The following WWOX variants were observed in gnomAD, a reference collection of about 807,000 sequenced individuals.
The protein encoded by WWOX is WW domain-containing oxidoreductase.
A neutral mutation model predicts 46.2 loss-of-function variants in WWOX; 69 were observed. The observed-to-expected ratio is 1.49, with a 90% confidence interval of 1.23 to 1.82. WWOX has a LOEUF of 1.82. Ranked by LOEUF, WWOX falls within the 40% of genes most tolerant of loss-of-function variation. The pLI, the probability that WWOX is intolerant of heterozygous loss-of-function variation, is 0.00. For synonymous variants in WWOX, 359 were observed against 202.6 expected (o/e 1.77, Z -6.56); for missense variants, 919 against 542.6 (o/e 1.69, Z -6.89).
intron 6 of WWOX, among the ~76,000 whole-genome samples, chr16:78,418,283 G>C (rs980937060): frequency 4.6e-5 from 7 of 151,838 alleles, no homozygotes; most frequent in African/African-American, 1.7e-4. Context: ...AGAATGGCGT[G>C]AACCCGGGAG....
At chr16:78,153,158 T>C (rs985145855) in intron 4 of WWOX, among the ~76,000 whole-genome samples, 2 of 152,166 alleles carry the variant, frequency 1.3e-5, no homozygotes, top group Admixed American at 6.6e-5. Flanking sequence ...GGGAGGCAAA[T>C]GTGATCATTC....
chr16:78,725,295 C>G (rs1397900540), intron 8 of WWOX, among the ~76,000 whole-genome samples: 3 of 151,662 alleles, frequency 2.0e-5, no homozygotes, highest in Non-Finnish European at 4.4e-5. Flanking sequence ...TATAAATTAC[C>G]CAGTCTCAGG....
intron 8 of WWOX, among the ~76,000 whole-genome samples, chr16:79,011,684 G>C (rs1567482911): frequency 6.6e-6 from 1 of 151,674 alleles, no homozygotes. Flanking sequence ...TTAGAGATGA[G>C]TTTTTGCCGT....
intron 4 of WWOX, among the ~76,000 whole-genome samples, chr16:78,116,788 G>C (rs1243496710): frequency 3.9e-5 from 6 of 152,160 alleles, no homozygotes; most frequent in Admixed American, 1.3e-4. Context: ...TAACAAGTTA[G>C]CCAGAAACTT....
intron 8 of WWOX, among the ~76,000 whole-genome samples, chr16:79,025,891 T>TCAGGATAGCAACA: frequency 7.0e-6 from 1 of 142,134 alleles, no homozygotes; most frequent in African/African-American, 2.8e-5. Context: ...CTCCGCCTCC[T>TCAGGATAGCAACA]GGGTTCAAGT....
chr16:78,768,279 T>TAAAAAAAAAAAAAAAAAA (rs56280651), intron 8 of WWOX, among the ~76,000 whole-genome samples: 5 of 91,962 alleles, frequency 5.4e-5, no homozygotes, highest in African/African-American at 2.0e-4. Context: ...ATAGATGAGT[T>TAAAAAAAAAAAAAAAAAA]AAAAAAAAAA....
At chr16:79,152,598 G>T (rs2050302468) in intron 8 of WWOX, among the ~76,000 whole-genome samples, 1 of 151,790 alleles carries the variant, frequency 6.6e-6, no homozygotes, top group Non-Finnish European at 1.5e-5. Flanking sequence ...TTGAACCCGG[G>T]AGGCAGAGGT....
In WWOX at chr16:78,742,906, C is replaced by A. The variant is rs191597256; in HGVS notation, c.1056+310154C>A. 3.7e-4 allele frequency among the ~76,000 whole-genome samples: 56 copies of A among 152,214 alleles called. No individual in the cohort carries two copies. The East Asian group carries it at 9.1e-3, about 25-fold the overall frequency. ...GGTCTGGTCAAGGAAAGGGCCACTT[C>A]CTGGGCCTCCCAAAAAGAGGAAGGA... On this transcript the variant is annotated intron_variant, in intron 8 of 8. Coordinates refer to ENST00000566780, the MANE Select transcript of WWOX (RefSeq NM_016373.4).
chr16:79,106,462 C>T (rs1267872119), intron 8 of WWOX, among the ~76,000 whole-genome samples: 7 of 151,958 alleles, frequency 4.6e-5, no homozygotes, highest in African/African-American at 1.4e-4. Context: ...AATCTGGGGA[C>T]ACTTTTTGGT....
At chr16:79,203,396 G>A (rs1282020488) in intron 8 of WWOX, 2 of 152,168 alleles carry the variant, frequency 1.3e-5, no homozygotes, top group Non-Finnish European at 2.9e-5. Flanking sequence ...CTACCTGTGA[G>A]ATCTGAATTA....
intron 8 of WWOX, among the ~76,000 whole-genome samples, chr16:78,786,395 CCA>C (rs1193104204): frequency 6.6e-6 from 1 of 152,084 alleles, no homozygotes; most frequent in Non-Finnish European, 1.5e-5. Flanking sequence ...AGTATTTTCA[CCA>C]CACACAGGAT....
intron 5 of WWOX, among the ~76,000 whole-genome samples, chr16:78,239,962 T>G (rs1053579073): frequency 6.7e-6 from 1 of 150,204 alleles, no homozygotes; most frequent in African/African-American, 2.5e-5. Context: ...TCTAAGCCAG[T>G]TGGACAGACA....
chr16:79,013,673 C>T (rs1455725844), intron 8 of WWOX, among the ~76,000 whole-genome samples: 2 of 152,192 alleles, frequency 1.3e-5, no homozygotes, highest in Non-Finnish European at 2.9e-5. Context: ...CACGTGGATA[C>T]ACTAATCTAC....
intron 8 of WWOX, among the ~76,000 whole-genome samples, chr16:79,019,325 G>A (rs941779205): frequency 5.3e-5 from 8 of 152,034 alleles, no homozygotes; most frequent in South Asian, 2.1e-4. Flanking sequence ...AGATGGTGCC[G>A]TCTACTACAC....
At chr16:78,706,286 C>G (rs145538918) in intron 8 of WWOX, among the ~76,000 whole-genome samples, 1 of 152,050 alleles carries the variant, frequency 6.6e-6, no homozygotes, top group East Asian at 1.9e-4. Context: ...GTCTGTCAGT[C>G]TCACACACAT....
intron 8 of WWOX, among the ~76,000 whole-genome samples, chr16:78,985,458 G>A (rs538382652): frequency 6.6e-6 from 1 of 152,260 alleles, no homozygotes; most frequent in South Asian, 2.1e-4. Context: ...TGTCACTAGT[G>A]GAAGTCGCCT....
chr16:78,903,789 C>G (rs1301081639), intron 8 of WWOX, among the ~76,000 whole-genome samples: 3 of 152,192 alleles, frequency 2.0e-5, no homozygotes, highest in Non-Finnish European at 4.4e-5. Context: ...TCCTTTCTAG[C>G]TCAATCATGC....
intron 5 of WWOX, among the ~76,000 whole-genome samples, chr16:78,355,029 G>C (rs187338723): frequency 8.5e-5 from 13 of 152,178 alleles, no homozygotes; most frequent in Admixed American, 2.6e-4. Flanking sequence ...CTACTTGGGA[G>C]GCTGAGGCAG....
chr16:79,012,126 C>T lies in WWOX; in HGVS notation c.1057-199482C>T, dbSNP rs1319945806. The stretch of plus-strand genomic sequence containing the variant: ...TGCAGTGCTCTCGGCCCGCGCTGTC[C>T]AATAGAACTTTCTGCAGTGATGGAT... On this transcript the variant is annotated intron_variant, in intron 8 of 8. Coordinates refer to ENST00000566780, the MANE Select transcript of WWOX (RefSeq NM_016373.4). Among the ~76,000 whole-genome samples the T allele has an allele frequency of 2.0e-5, 3 of 152,140 alleles. No individual in the cohort carries two copies. The East Asian group carries it at 5.8e-4, about 29-fold the overall frequency.
Sources: gnomAD v4.1 joint callset for allele counts (sites outside exome capture counted in the v4.1 genomes callset) on GRCh38, gnomAD v4.1.1 for gene constraint, MANE v1.5 for transcripts, NCBI Gene and HGNC (gene_info 2026-07-23, HGNC 2026-07-21) for gene names.